Variants in FHIT observed in about 807,000 individuals in gnomAD.
The protein encoded by FHIT is fragile histidine triad diadenosine triphosphatase, also known as bis(5'-adenosyl)-triphosphatase.
A neutral mutation model predicts 17.9 loss-of-function variants in FHIT; 19 were observed. That is an observed-to-expected ratio of 1.06 (90% CI 0.74 to 1.56). The LOEUF is 1.56. Among genes scored for constraint, FHIT ranks in the 40% most tolerant of loss-of-function variants. The pLI is 0.00. For missense variants in FHIT, 248 were observed against 189.2 expected, an observed-to-expected ratio of 1.31 and a Z score of -1.82; for synonymous variants, 81 against 69.7, an observed-to-expected ratio of 1.16 and a Z score of -0.81.
At chr3:60,201,423 C>T (rs1249769671) in intron 5 of FHIT, among the ~76,000 whole-genome samples, 1 of 152,014 alleles carries the variant, frequency 6.6e-6, no homozygotes, top group African/African-American at 2.4e-5. Flanking sequence ...TCAAGTGATC[C>T]TCCCACTTCA....
chr3:60,043,085 C>A (rs1053230954), intron 5 of FHIT, among the ~76,000 whole-genome samples: 1 of 152,178 alleles, frequency 6.6e-6, no homozygotes, highest in Non-Finnish European at 1.5e-5. Context: ...GGCTAGAGTA[C>A]TAATCAAGCT....
chr3:60,391,246 T>G (rs1156422195), intron 5 of FHIT, among the ~76,000 whole-genome samples: 1 of 152,034 alleles, frequency 6.6e-6, no homozygotes, highest in African/African-American at 2.4e-5. Flanking sequence ...CAAGCTATAA[T>G]AAGCTGAGAT....
intron 3 of FHIT, among the ~76,000 whole-genome samples, chr3:60,950,310 CT>C (rs1161860844): frequency 6.6e-6 from 1 of 152,116 alleles, no homozygotes; most frequent in Non-Finnish European, 1.5e-5. Flanking sequence ...ACAGTAGATA[CT>C]GTAATATCAT....
intron 2 of FHIT, among the ~76,000 whole-genome samples, chr3:61,175,560 T>C (rs150015564): frequency 6.6e-6 from 1 of 152,138 alleles, no homozygotes; most frequent in Non-Finnish European, 1.5e-5. Flanking sequence ...TTGTTGAAAC[T>C]TAAGCCCCAG....
chr3:60,134,919 A>C (rs947237280), intron 5 of FHIT, among the ~76,000 whole-genome samples: 1 of 152,116 alleles, frequency 6.6e-6, no homozygotes, highest in African/African-American at 2.4e-5. Context: ...TCAGAGGCAC[A>C]GAGCAAGCAC....
chr3:60,347,060 A>C (rs1710816244), intron 5 of FHIT, among the ~76,000 whole-genome samples: 1 of 44,754 alleles, frequency 2.2e-5, no homozygotes, highest in Non-Finnish European at 4.1e-5. Context: ...TACTTTTATG[A>C]TATTCTTGAA....
At chr3:61,183,945 A>C (rs1036748913) in intron 2 of FHIT, among the ~76,000 whole-genome samples, 2 of 152,034 alleles carry the variant, frequency 1.3e-5, no homozygotes, top group African/African-American at 4.8e-5. Context: ...GATGACCACA[A>C]TTCATTTCCA....
chr3:60,086,246 T>C (rs1246768122), intron 5 of FHIT, among the ~76,000 whole-genome samples: 2 of 152,144 alleles, frequency 1.3e-5, no homozygotes, highest in African/African-American at 2.4e-5. Context: ...GGCATCGATC[T>C]ATTCATGAAG....
intron 5 of FHIT, among the ~76,000 whole-genome samples, chr3:60,517,912 C>A (rs533239938): frequency 2.0e-5 from 3 of 152,186 alleles, no homozygotes; most frequent in Non-Finnish European, 4.4e-5. Flanking sequence ...CTGGTCTCTC[C>A]ATTTATAAAC....
chr3:60,137,492 A>G (rs548174954), intron 5 of FHIT, among the ~76,000 whole-genome samples: 2 of 152,332 alleles, frequency 1.3e-5, no homozygotes, highest in East Asian at 3.9e-4. Flanking sequence ...CTCCAGAATA[A>G]TATGACTAGG....
chr3:61,161,137 TA>T (rs201875023), intron 2 of FHIT, among the ~76,000 whole-genome samples: 5,810 of 133,238 alleles, frequency 0.044, 280 homozygotes, highest in African/African-American at 0.13. Context: ...CATCCACAGT[TA>T]AAAAAAAAAA....
intron 8 of FHIT, among the ~76,000 whole-genome samples, chr3:59,876,074 TTAGGTGGGGACACCTG>T (rs1289986740): frequency 6.6e-6 from 1 of 152,088 alleles, no homozygotes; most frequent in Non-Finnish European, 1.5e-5. Flanking sequence ...CATAGGTCTA[TTAGGTGGGGACACCTG>T]GTAGATGTAA....
intron 5 of FHIT, among the ~76,000 whole-genome samples, chr3:60,153,395 G>C (rs534228009): frequency 5.3e-5 from 8 of 151,402 alleles, no homozygotes; most frequent in African/African-American, 1.9e-4. Context: ...AAGAGGAGGT[G>C]GGGGAGAAAG....
chr3:60,460,550 T>G (rs425036), intron 5 of FHIT, among the ~76,000 whole-genome samples: 77,976 of 151,964 alleles, frequency 0.51, 22,605 homozygotes, highest in African/African-American at 0.78. Context: ...ATCCCAATAA[T>G]ATTATAAACC....
chr3:60,221,592 T>C (rs1038004989), intron 5 of FHIT, among the ~76,000 whole-genome samples: 7 of 152,226 alleles, frequency 4.6e-5, no homozygotes, highest in African/African-American at 1.7e-4. Flanking sequence ...CTTCATGCGG[T>C]GGCTGCCTAC....
Position 60,595,627 on chromosome 3 carries a change from A to ATGTG in FHIT, c.-17-58652_-17-58649dup, listed in dbSNP as rs57734772. On this transcript the variant is annotated intron_variant, in intron 4 of 9. Transcript: ENST00000492590. The stretch of plus-strand genomic sequence containing the variant: ...TGTAGATATATGTGTGTATGTATAT[A>ATGTG]TGTGTGTGTGTGTGTATAGTGTGTG... Among the ~76,000 whole-genome samples, 169 of 150,386 alleles carry ATGTG rather than the reference A, an allele frequency of 1.1e-3. 2 individuals are homozygous for ATGTG. The highest frequency in any genetic ancestry group is 3.6e-3 in the South Asian group (17 of 4,730).
intron 7 of FHIT, among the ~76,000 whole-genome samples, chr3:59,961,645 G>C (rs1707688915): frequency 6.6e-6 from 1 of 152,116 alleles, no homozygotes; most frequent in African/African-American, 2.4e-5. Context: ...GGTCCCACAT[G>C]GCTTCCCTTG....
chr3:60,727,191 G>A (rs569638303), intron 4 of FHIT, among the ~76,000 whole-genome samples: 2 of 152,032 alleles, frequency 1.3e-5, no homozygotes, highest in South Asian at 2.1e-4. Flanking sequence ...CCCATACCGA[G>A]AAAGACGGAT....
At chr3:61,031,446 C>A (rs186768945) in intron 3 of FHIT, among the ~76,000 whole-genome samples, 5 of 147,096 alleles carry the variant, frequency 3.4e-5, no homozygotes, top group Non-Finnish European at 7.5e-5. Flanking sequence ...AGTGTCTCAA[C>A]CTGAAAATTT....
Sources: allele counts gnomAD v4.1 joint callset (sites outside exome capture counted in the v4.1 genomes callset), GRCh38; gene constraint gnomAD v4.1.1; transcripts MANE v1.5; gene names NCBI Gene and HGNC (gene_info 2026-07-23, HGNC 2026-07-21).